Variants in ZNF536 observed in about 807,000 individuals in gnomAD.
ZNF536 encodes zinc finger protein 536.
ZNF536 carries 13 observed loss-of-function variants against 84.5 expected under a neutral mutation model. The ratio of observed to expected loss-of-function variants is 0.15; its 90% confidence interval spans 0.10 to 0.24. The LOEUF (loss-of-function observed/expected upper bound fraction) is 0.24. ZNF536 is among the 10% of genes least tolerant of loss of function. The probability of loss-of-function intolerance (pLI) is 1.00; values close to 1 mark genes in which losing one functional copy is unlikely to be tolerated. For missense variants in ZNF536, 1,536 were observed against 1,747.5 expected, an observed-to-expected ratio of 0.88 and a Z score of 2.16; for synonymous variants, 811 against 742.5, an observed-to-expected ratio of 1.09 and a Z score of -1.50.
chr19:30,403,858 G>C (rs543702597), intron 1 of ZNF536, among the ~76,000 whole-genome samples: 7 of 152,082 alleles, frequency 4.6e-5, no homozygotes, highest in South Asian at 4.2e-4. Context: ...TTGCCTTCAG[G>C]GATGGGATGG....
At chr19:30,227,093 T>C (rs1013727390), upstream of ZNF536, among the ~76,000 whole-genome samples, 7 of 151,900 alleles carry the variant, frequency 4.6e-5, no homozygotes, top group African/African-American at 1.2e-4. Context: ...ATTTAAAATA[T>C]AGATATCTCC....
chr19:30,417,871 C>T (rs1049840838), intron 1 of ZNF536, among the ~76,000 whole-genome samples: 3 of 152,086 alleles, frequency 2.0e-5, no homozygotes, highest in African/African-American at 7.2e-5. Context: ...GTGATCCTCC[C>T]ACCTCAGCCT....
chr19:30,706,779 G>T (rs1170634546), intron 1 of ZNF536, among the ~76,000 whole-genome samples: 3 of 152,306 alleles, frequency 2.0e-5, no homozygotes, highest in African/African-American at 7.2e-5. Flanking sequence ...ATAAATGAAT[G>T]ACTTAGCCCT....
chr19:30,258,779 A>G (rs1381604504), intron 1 of ZNF536, among the ~76,000 whole-genome samples: 2 of 151,784 alleles, frequency 1.3e-5, no homozygotes, highest in East Asian at 1.9e-4. Context: ...GTGCAGTGGC[A>G]TGATCTCCGT....
intron 1 of ZNF536, among the ~76,000 whole-genome samples, chr19:30,657,861 A>T (rs2049972142): frequency 6.6e-6 from 1 of 152,116 alleles, no homozygotes; most frequent in African/African-American, 2.4e-5. Context: ...TTCCATCTGC[A>T]CCCTGAGGAA....
chr19:30,505,674 G>A lies in ZNF536; in HGVS notation c.2171-29173G>A, dbSNP rs565184888. On this transcript the variant is annotated intron_variant, in intron 2 of 4. Coordinates refer to ENST00000355537, the MANE Select transcript of ZNF536 (RefSeq NM_014717.3). ...TTTTTGAAAACGATAGCATAAGTCT[G>A]TATGTTTTTGACATAGAGTCTTACT... Among the ~76,000 whole-genome samples, 4 of 152,178 alleles carry A rather than the reference G, an allele frequency of 2.6e-5. No individual in the cohort carries two copies. In the South Asian group the frequency reaches 8.3e-4, roughly 32 times the overall value.
intron 1 of ZNF536, among the ~76,000 whole-genome samples, chr19:30,652,457 G>A (rs546523115): frequency 1.6e-3 from 239 of 152,290 alleles, no homozygotes; most frequent in Middle Eastern, 3.4e-3. Flanking sequence ...CCCCAAAGCT[G>A]TGTATTCTGT....
chr19:30,650,579 A>AT (rs61168098), intron 1 of ZNF536, among the ~76,000 whole-genome samples: 34 of 152,124 alleles, frequency 2.2e-4, no homozygotes, highest in African/African-American at 6.5e-4. Context: ...GCAAGGAGAG[A>AT]TTTTTTTTCC....
chr19:30,501,549 C>A (rs2054950197), intron 2 of ZNF536, among the ~76,000 whole-genome samples: 1 of 152,166 alleles, frequency 6.6e-6, no homozygotes, highest in Non-Finnish European at 1.5e-5. Flanking sequence ...TTTCATGGGC[C>A]TAGACCCTGT....
At position 30,500,684 on chromosome 19, in the gene ZNF536, G is replaced by A. The variant is rs188912629; in HGVS notation, c.2171-34163G>A. ...CTAGAATCTCAGCAGGAGGCTGTGG[G>A]ATGAATGTGGGTCTCACAACCCCAG... On this transcript the variant is annotated intron_variant, in intron 2 of 4. Transcript: ENST00000355537. 1.8e-4 allele frequency among the ~76,000 whole-genome samples: 28 copies of A among 152,178 alleles called. 1 individual carries two copies. The East Asian group carries it at 5.4e-3, about 29-fold the overall frequency.
At chr19:30,382,426 A>G (rs1425005977) in intron 1 of ZNF536, among the ~76,000 whole-genome samples, 6 of 152,248 alleles carry the variant, frequency 3.9e-5, no homozygotes, top group African/African-American at 7.2e-5. Context: ...ATACATTTAA[A>G]TTAGAACTTT....
intron 1 of ZNF536, among the ~76,000 whole-genome samples, chr19:30,598,021 T>C (rs1217834132): frequency 6.6e-6 from 1 of 152,214 alleles, no homozygotes; most frequent in Non-Finnish European, 1.5e-5. Flanking sequence ...ATATACATTG[T>C]TGTTGATGGT....
chr19:30,614,649 G>GA (rs1179737508), intron 1 of ZNF536, among the ~76,000 whole-genome samples: 4 of 151,596 alleles, frequency 2.6e-5, no homozygotes, highest in Non-Finnish European at 5.9e-5. Context: ...CTTTCTCTGT[G>GA]AATTGACTTT....
chr19:30,490,944 G>A (rs1341955421), intron 2 of ZNF536, among the ~76,000 whole-genome samples: 1 of 152,190 alleles, frequency 6.6e-6, no homozygotes, highest in Admixed American at 6.5e-5. Flanking sequence ...GGGGCGTTGA[G>A]GGTGTTAGCA....
At chr19:30,617,591 C>G (rs936577168) in intron 1 of ZNF536, among the ~76,000 whole-genome samples, 2 of 151,752 alleles carry the variant, frequency 1.3e-5, no homozygotes, top group Non-Finnish European at 2.9e-5. Context: ...ACCTCGTGAT[C>G]TGCCCACTGT....
intron 2 of ZNF536, among the ~76,000 whole-genome samples, chr19:30,518,806 T>G (rs1389149397): frequency 2.0e-5 from 3 of 152,010 alleles, no homozygotes; most frequent in Non-Finnish European, 2.9e-5. Flanking sequence ...GCCATGGAAG[T>G]GAGCCTTAGC....
intron 1 of ZNF536, among the ~76,000 whole-genome samples, chr19:30,620,038 T>C (rs1408607082): frequency 6.6e-6 from 1 of 151,876 alleles, no homozygotes; most frequent in Non-Finnish European, 1.5e-5. Flanking sequence ...GCTTTTTTTT[T>C]TTTTTGTAGT....
At chr19:30,343,161 AC>A (rs1568345798) in intron 2 of ZNF536, among the ~76,000 whole-genome samples, 1 of 152,144 alleles carries the variant, frequency 6.6e-6, no homozygotes, top group Non-Finnish European at 1.5e-5. Flanking sequence ...CAGGACAAGT[AC>A]CCCTTCCTAA....
intron 1 of ZNF536, among the ~76,000 whole-genome samples, chr19:30,385,775 C>T (rs1439409802): frequency 6.6e-6 from 1 of 152,210 alleles, no homozygotes; most frequent in Non-Finnish European, 1.5e-5. Context: ...AACTCCGCCT[C>T]CATCATGAAT....
Sources: allele counts gnomAD v4.1 joint callset (sites outside exome capture counted in the v4.1 genomes callset), GRCh38; gene constraint gnomAD v4.1.1; transcripts MANE v1.5; gene names NCBI Gene and HGNC (gene_info 2026-07-23, HGNC 2026-07-21).